AKAP19: variants seen among roughly 807,000 people sequenced by gnomAD.
AKAP19 encodes the protein A-kinase anchoring protein 19, also known as small A-kinase anchoring protein.
chr2:190,126,304 A>AAAAAAAAAAAAAAAAC, the AKAP19 span, among the ~76,000 whole-genome samples: 1 of 131,898 alleles, frequency 7.6e-6, no homozygotes, highest in Admixed American at 7.4e-5. Context: ...AAAAAAAAAA[A>AAAAAAAAAAAAAAAAC]AAAAAAAAAA....
the AKAP19 span, among the ~76,000 whole-genome samples, chr2:190,172,280 C>T: frequency 3.3e-5 from 5 of 152,126 alleles, no homozygotes; most frequent in South Asian, 1.0e-3. Context: ...TCTGTCCTCT[C>T]CCACTATTAT....
the AKAP19 span, among the ~76,000 whole-genome samples, chr2:189,889,358 G>A: frequency 6.6e-5 from 10 of 152,200 alleles, no homozygotes; most frequent in Admixed American, 4.6e-4. Flanking sequence ...GAGGATTTTC[G>A]CATTGATGTT....
At chr2:189,888,514 C>G in the AKAP19 span, among the ~76,000 whole-genome samples, 3 of 152,152 alleles carry the variant, frequency 2.0e-5, no homozygotes, top group Non-Finnish European at 2.9e-5. Context: ...AGCATTGAAT[C>G]TATAAATTAC....
chr2:190,181,262 G>A, the AKAP19 span: 1 of 561,912 alleles, frequency 1.8e-6, no homozygotes, highest in Non-Finnish European at 2.3e-6. Flanking sequence ...CAGCTGCCGT[G>A]GATAGAGCCT....
chr2:190,092,913 T>C, the AKAP19 span, among the ~76,000 whole-genome samples: 1 of 152,196 alleles, frequency 6.6e-6, no homozygotes, highest in African/African-American at 2.4e-5. Context: ...GTGAAGAGTT[T>C]TACTTACAGC....
the AKAP19 span, among the ~76,000 whole-genome samples, chr2:189,964,971 A>G: frequency 6.6e-6 from 1 of 152,218 alleles, no homozygotes; most frequent in African/African-American, 2.4e-5. Context: ...TGTTTGCCAT[A>G]AGGGGCCTAG....
chr2:190,016,020 A>T, the AKAP19 span, among the ~76,000 whole-genome samples: 2 of 152,310 alleles, frequency 1.3e-5, no homozygotes, highest in African/African-American at 4.8e-5. Flanking sequence ...ATTTTGGTCA[A>T]AACCATTCAA....
the AKAP19 span, among the ~76,000 whole-genome samples, chr2:190,120,652 CTTAT>C: frequency 6.6e-6 from 1 of 152,112 alleles, no homozygotes; most frequent in Non-Finnish European, 1.5e-5. Flanking sequence ...AGTATGCTAA[CTTAT>C]TTGTTTTATA....
the AKAP19 span, among the ~76,000 whole-genome samples, chr2:189,899,508 G>T: frequency 1.4e-4 from 22 of 152,110 alleles, no homozygotes; most frequent in Non-Finnish European, 3.2e-4. Context: ...GGTAATAAAT[G>T]GTTGTTCAGC....
At chr2:189,884,280 C>T in the AKAP19 span, among the ~76,000 whole-genome samples, 1 of 151,976 alleles carries the variant, frequency 6.6e-6, no homozygotes, top group East Asian at 1.9e-4. Flanking sequence ...TGGTAAATTA[C>T]AGCATCTTAA....
chr2:189,950,343 T>TTG, the AKAP19 span, among the ~76,000 whole-genome samples: 86 of 149,754 alleles, frequency 5.7e-4, 1 homozygote, highest in Middle Eastern at 3.4e-3. Flanking sequence ...TGTTTTTTTT[T>TTG]TTTGTTTTTT....
At chr2:189,980,227 G>A in the AKAP19 span, among the ~76,000 whole-genome samples, 1 of 152,140 alleles carries the variant, frequency 6.6e-6, no homozygotes, top group South Asian at 2.1e-4. Context: ...ATACCACACA[G>A]CCATAAAAAA....
At chr2:190,192,177 T>TCC in the AKAP19 span, among the ~76,000 whole-genome samples, 3 of 152,164 alleles carry the variant, frequency 2.0e-5, no homozygotes, top group Non-Finnish European at 4.4e-5. Context: ...TATGTGAATG[T>TCC]CCAATTGTTC....
the AKAP19 span, among the ~76,000 whole-genome samples, chr2:190,081,880 C>T: frequency 3.3e-5 from 5 of 152,150 alleles, no homozygotes; most frequent in East Asian, 3.9e-4. Context: ...CCACATCTTT[C>T]GGCCAAGGGG....
At chr2:190,102,943 A>G in the AKAP19 span, among the ~76,000 whole-genome samples, 6 of 152,190 alleles carry the variant, frequency 3.9e-5, no homozygotes, top group African/African-American at 1.4e-4. Context: ...AGAAATCCTT[A>G]ACGAAATGCT....
At chr2:189,974,818 T>A in the AKAP19 span, among the ~76,000 whole-genome samples, 1 of 152,186 alleles carries the variant, frequency 6.6e-6, no homozygotes, top group Non-Finnish European at 1.5e-5. Context: ...CCTTTTTTTG[T>A]TTTCCATTTG....
At chr2:189,945,174 C>T in the AKAP19 span, among the ~76,000 whole-genome samples, 4 of 151,996 alleles carry the variant, frequency 2.6e-5, no homozygotes, top group Admixed American at 6.5e-5. Context: ...AACAATGCAC[C>T]TCATGGAACT....
chr2:190,107,225 T>A, the AKAP19 span, among the ~76,000 whole-genome samples: 3 of 152,226 alleles, frequency 2.0e-5, no homozygotes, highest in Admixed American at 6.5e-5. Flanking sequence ...TGACATTTAC[T>A]AGGTGTGTGA....
At chr2:189,911,663 G>A in the AKAP19 span, among the ~76,000 whole-genome samples, 3 of 152,010 alleles carry the variant, frequency 2.0e-5, no homozygotes, top group Non-Finnish European at 2.9e-5. Flanking sequence ...GAAAGCTTTT[G>A]GTTATTAGAA....
Sources: gnomAD v4.1 joint callset for allele counts (sites outside exome capture counted in the v4.1 genomes callset) on GRCh38, gnomAD v4.1.1 for gene constraint, MANE v1.5 for transcripts, NCBI Gene and HGNC (gene_info 2026-07-23, HGNC 2026-07-21) for gene names.